Variants in MYOM3 observed in about 807,000 individuals in gnomAD.
MYOM3 encodes the protein myomesin-3.
A neutral mutation model predicts 191.7 loss-of-function variants in MYOM3; 155 were observed. The ratio of observed to expected loss-of-function variants is 0.81; its 90% CI spans 0.71 to 0.92. MYOM3 has a LOEUF of 0.92. MYOM3 is among the 40% of genes least tolerant of loss of function. The probability of loss-of-function intolerance (pLI) is 0.00; values close to 1 mark genes in which losing one functional copy is unlikely to be tolerated. For missense variants in MYOM3, 1,889 were observed against 1,890.6 expected (o/e 1.00, Z 0.02); for synonymous variants, 757 against 762.9 (o/e 0.99, Z 0.13).
At chr1:24,106,119 C>A in intron 4 of MYOM3, 42 bp from the exon 5 acceptor site, 1 of 1,548,694 alleles carries the variant, frequency 6.5e-7, no homozygotes, top group Non-Finnish European at 8.7e-7. Context: ...AGCCAGGGAC[C>A]ACCTCTCTGC....
rs142685078 is a variant in MYOM3 at position 24,107,479 on chromosome 1, C to T, written c.243-247G>A. ...CAAACCTTTGTTCATCTTGTTTTCA[C>T]GACAGCCAAGTGGCCAGGCCTTAGT... On this transcript the variant is annotated intron_variant, in intron 3 of 36. Transcript: ENST00000374434. Among the ~76,000 whole-genome samples the T allele has an allele frequency of 1.7e-3, 260 of 152,300 alleles. 1 individual carries two copies. The highest frequency in any genetic ancestry group is 3.2e-3 in the Admixed American group (49 of 15,298).
At chr1:24,081,621 G>T (rs1643670551) in intron 18 of MYOM3, 165 bp from the exon 19 acceptor site, 23 of 790,080 alleles carry the variant, frequency 2.9e-5, no homozygotes, top group Non-Finnish European at 4.6e-5. Flanking sequence ...GGAGTGCAGT[G>T]GCATGAACAT....
Position 24,080,169 on chromosome 1 carries a change from G to A in MYOM3, c.2433C>T (p.Ser811=), listed in dbSNP as rs759808540. 116 of 1,613,332 alleles carry A rather than the reference G, an allele frequency of 7.2e-5. No individual in the cohort carries two copies. The highest frequency in any genetic ancestry group is 1.9e-4 in the African/African-American group (14 of 74,876). ...QPGPPYDVRA[S]EVRATSLVLQ... is the part of the protein sequence containing the mutation. ...GCACCAGGGATGTGGCCCGCACCTC[G>A]GATGCCCGTACATCGTACGGGGGGC... Residue 811 remains serine, a synonymous_variant, in exon 20 of 37, where the codon TCC becomes TCT. Coordinates refer to ENST00000374434, the MANE Select transcript of MYOM3 (RefSeq NM_152372.4).
chr1:24,078,123 ATT>A (rs34824932), intron 20 of MYOM3, among the ~76,000 whole-genome samples: 2 of 145,880 alleles, frequency 1.4e-5, no homozygotes, highest in Non-Finnish European at 3.0e-5. Flanking sequence ...ATTTTTAGAG[ATT>A]TTTTTTTTTT....
intron 32 of MYOM3, among the ~76,000 whole-genome samples, chr1:24,062,709 C>T (rs1249082773): frequency 1.3e-5 from 2 of 152,116 alleles, no homozygotes; most frequent in African/African-American, 2.4e-5. Flanking sequence ...GCCTGGCTGA[C>T]CAAGTTTGCT....
intron 29 of MYOM3, among the ~76,000 whole-genome samples, chr1:24,065,330 G>A (rs752825011): frequency 6.6e-6 from 1 of 152,232 alleles, no homozygotes; most frequent in Non-Finnish European, 1.5e-5. Context: ...AAAGGTTGAC[G>A]TTTGAGAGCA....
At position 24,057,377 on chromosome 1, in the gene MYOM3, A is replaced by G; in HGVS notation, c.4301T>C (p.Leu1434Pro). The G allele has an allele frequency of 6.2e-7, 1 of 1,613,366 alleles. No individual in the cohort carries two copies. Among genetic ancestry groups the G allele is most frequent in the Non-Finnish European group, 8.5e-7 (1 of 1,179,916 alleles). The change falls in exon 37 of 37, where the codon CTG becomes CCG. Residue 1434 changes from leucine to proline, a missense_variant. By Grantham distance (98) the Leu-to-Pro change is moderately conservative. Transcript: ENST00000374434. ...GGACACACGCTGTCACATGCTCTTCAGCTCCTTGGGCTCGTCCCCGTGCTT... is the reference window on the plus strand; with the variant it reads ...GGACACACGCTGTCACATGCTCTTCGGCTCCTTGGGCTCGTCCCCGTGCTT... ...VFKHGDEPKE[L>P]KSM
chr1:24,108,596 C>CG lies in MYOM3; in HGVS notation c.40dup (p.Arg14ProfsTer46). 1.3e-6 allele frequency: 2 copies of CG among 1,567,034 alleles called. No individual in the cohort carries two copies. The highest frequency in any genetic ancestry group is 1.7e-6 in the Non-Finnish European group (2 of 1,158,130). On this transcript the variant is annotated frameshift_variant, in exon 2 of 37. Coordinates refer to ENST00000374434, the MANE Select transcript of MYOM3 (RefSeq NM_152372.4). LOFTEE classifies it high-confidence loss of function. ...GTGAACCTCCATGGCCTGGGGGGGC[C>CG]GGGGGTCCCCCGCACCTCCCAAGCT... is the stretch of plus-strand genomic sequence containing the variant.
rs569927886 is a variant in MYOM3 at position 24,108,040 on chromosome 1, G to A, written c.195C>T (p.Tyr65=). The part of the protein sequence containing the change: ...EEEHEFSAAD[Y]ALAAALALTA... ...TCAGAGCCAGGGCTGCTGCCAGGGCGTAGTCCGCGGCGCTGAACTCATGCT... is the reference window on the plus strand; with the variant it reads ...TCAGAGCCAGGGCTGCTGCCAGGGCATAGTCCGCGGCGCTGAACTCATGCT... Residue 65 remains tyrosine (Y), a synonymous_variant, in exon 3 of 37, where the codon TAC becomes TAT. Transcript: ENST00000374434. 41 of 1,613,596 alleles carry A rather than the reference G, an allele frequency of 2.5e-5. No homozygotes were observed. Among genetic ancestry groups the A allele is most frequent in the African/African-American group, 5.3e-5 (4 of 74,910 alleles).
intron 29 of MYOM3, 105 bp from the exon 30 acceptor site, chr1:24,064,264 G>T: frequency 1.2e-6 from 1 of 801,706 alleles, no homozygotes; most frequent in Non-Finnish European, 2.0e-6. Flanking sequence ...CACTCTCTGT[G>T]TGACCTCAGG....
chr1:24,092,398 C>T, intron 10 of MYOM3, 83 bp from the exon 11 acceptor site: 1 of 1,227,992 alleles, frequency 8.1e-7, no homozygotes, highest in African/African-American at 1.5e-5. Flanking sequence ...CCAGCATCCT[C>T]TTCTCATCCA....
intron 21 of MYOM3, among the ~76,000 whole-genome samples, chr1:24,075,924 G>A (rs954189429): frequency 6.6e-6 from 1 of 152,204 alleles, no homozygotes; most frequent in Non-Finnish European, 1.5e-5. Context: ...TTTGTAGTTG[G>A]GAGAGGTGAG....
Position 24,063,075 on chromosome 1 carries a change from G to A in MYOM3, c.3770+51C>T. The A allele has an allele frequency of 1.5e-6, 2 of 1,296,348 alleles. No homozygotes were observed. Among genetic ancestry groups the A allele is most frequent in the Non-Finnish European group, 2.2e-6 (2 of 893,040 alleles). 80.3% of individuals were successfully genotyped at this position (1,296,348 alleles called of 1,614,324 possible). A position where few individuals can be genotyped will look rare whatever the true frequency, so the allele number is the denominator to read the frequency against. ...AGGGAGGGAGGCCCCCATGGGTCAG[G>A]TGCTGAATCCTTTCCAGCCTGGCTG... On this transcript the variant is annotated intron_variant, in intron 32 of 36. Transcript: ENST00000374434. This position sits in a 1 kb window ranked among gnomAD's most constrained non-coding sequence, Gnocchi z 4.5.
At chr1:24,076,336 CCAGGGAG>C (rs1305751392) in intron 20 of MYOM3, 63 bp from the exon 21 acceptor site, 29 of 1,268,544 alleles carry the variant, frequency 2.3e-5, no homozygotes, top group Non-Finnish European at 3.1e-5. Context: ...AACCTGGGCC[CCAGGGAG>C]CAGGGAGCCA....
At position 24,080,193 on chromosome 1, in the gene MYOM3, G is replaced by A. The variant is rs778979980; in HGVS notation, c.2409C>T (p.Gly803=). 3.1e-6 allele frequency: 5 copies of A among 1,607,194 alleles called. No homozygotes were observed. In the South Asian group the frequency reaches 5.6e-5, roughly 18 times the overall value. ...ECKEWTMPQP[G]PPYDVRASEV... is the part of the protein sequence containing the mutation. Reference sequence around the variant, plus strand: ...CGGATGCCCGTACATCGTACGGGGGGCCTGTGACAAGTGAGAGATGGGAAG... The same window carrying A: ...CGGATGCCCGTACATCGTACGGGGGACCTGTGACAAGTGAGAGATGGGAAG... The change falls in exon 20 of 37, where the codon GGC becomes GGT. Residue 803 remains glycine (G), a splice_region_variant and synonymous_variant. Transcript: ENST00000374434.
rs79576822 is a variant in MYOM3, at chr1:24,086,628, G to A, written c.1798+16C>T. The stretch of plus-strand genomic sequence containing the variant: ...CTGGCCTGCCTCCTCCCCGACCCCC[G>A]GCATCAGGAGGGTACCTGGCGGGCC... On this transcript the variant is annotated intron_variant, in intron 15 of 36. Transcript: ENST00000374434. 2.1e-3 allele frequency: 3,417 copies of A among 1,610,172 alleles called. 63 individuals are homozygous for A. The African/African-American group carries it at 0.042, about 20-fold the overall frequency.
rs1023336445 is a variant in MYOM3, at chr1:24,060,120, G to A, written c.3994+940C>T. On this transcript the variant is annotated intron_variant, in intron 35 of 36. Coordinates refer to ENST00000374434, the MANE Select transcript of MYOM3 (RefSeq NM_152372.4). ...GGACGGGGCTTCTGTTCAGGATGAC[G>A]CATTCCACTATGGGCAGGGACATTC... Among the ~76,000 whole-genome samples the A allele has an allele frequency of 3.9e-4, 60 of 152,278 alleles. 1 individual carries two copies. The highest frequency in any genetic ancestry group is 3.3e-3 in the Admixed American group (50 of 15,300).
In MYOM3 at chr1:24,067,139, G is replaced by C. The variant is rs750963278; in HGVS notation, c.3356-51C>G. 5 of 1,539,594 alleles carry C rather than the reference G, an allele frequency of 3.2e-6. No homozygotes were observed. In the African/African-American group the frequency reaches 6.9e-5, roughly 21 times the overall value. On this transcript the variant is annotated intron_variant, in intron 27 of 36. Coordinates refer to ENST00000374434, the MANE Select transcript of MYOM3 (RefSeq NM_152372.4). ...ACTGTCAGAGAGCCAGGCTCAGCCAGGGTGCCACCTGTGTCCAGGCAGTGC... is the reference window on the plus strand; with the variant it reads ...ACTGTCAGAGAGCCAGGCTCAGCCACGGTGCCACCTGTGTCCAGGCAGTGC...
intron 16 of MYOM3, 65 bp downstream of exon 16, chr1:24,084,403 T>TTATAAAAG: frequency 6.4e-7 from 1 of 1,550,840 alleles, no homozygotes; most frequent in South Asian, 1.1e-5. Context: ...TAAAAGAAAT[T>TTATAAAAG]ACCCAGTCTC....
Sources: allele counts gnomAD v4.1 joint callset (sites outside exome capture counted in the v4.1 genomes callset), GRCh38; gene constraint gnomAD v4.1.1; non-coding constraint Gnocchi (gnomAD v3.1); transcripts MANE v1.5; gene names NCBI Gene and HGNC (gene_info 2026-07-23, HGNC 2026-07-21).